CEP57L1: variants seen among roughly 807,000 people sequenced by gnomAD.
CEP57L1 encodes the protein centrosomal protein CEP57L1.
Under a neutral mutation model 61.0 loss-of-function variants are expected in CEP57L1, and 37 were observed. The ratio of observed to expected loss-of-function variants is 0.61; its 90% confidence interval spans 0.47 to 0.80. The LOEUF (loss-of-function observed/expected upper bound fraction) is 0.80. CEP57L1 is among the 30% of genes least tolerant of loss of function. The pLI is 0.00. For missense variants in CEP57L1, 422 were observed against 524.7 expected (o/e 0.80, Z 1.91); for synonymous variants, 137 against 162.3 (o/e 0.84, Z 1.19).
chr6:109,139,158 C>G (rs1562105095), intron 1 of CEP57L1, among the ~76,000 whole-genome samples: 3 of 152,164 alleles, frequency 2.0e-5, no homozygotes, highest in African/African-American at 4.8e-5. Flanking sequence ...AAACAACTAA[C>G]AGGTAGGTAG....
intron 1 of CEP57L1, among the ~76,000 whole-genome samples, chr6:109,098,946 T>C (rs572631150): frequency 6.6e-6 from 1 of 152,196 alleles, no homozygotes; most frequent in Admixed American, 6.5e-5. Context: ...GCTGACAGAT[T>C]GTGTGAGAGT....
At chr6:109,137,998 C>T (rs980522285) in intron 1 of CEP57L1, among the ~76,000 whole-genome samples, 2 of 152,116 alleles carry the variant, frequency 1.3e-5, no homozygotes, top group African/African-American at 4.8e-5. Context: ...AAAAGTGTTC[C>T]AGGCAGTGGG....
intron 1 of CEP57L1, among the ~76,000 whole-genome samples, chr6:109,102,015 T>C (rs1782492902): frequency 6.6e-6 from 1 of 152,224 alleles, no homozygotes; most frequent in South Asian, 2.1e-4. Flanking sequence ...TTTGGTGGTA[T>C]CAGTGTTTTG....
In CEP57L1 at chr6:109,117,169, C is replaced by T. The variant is rs1772405933; in HGVS notation, c.-4+21594C>T. 2.0e-5 allele frequency among the ~76,000 whole-genome samples: 3 copies of T among 151,876 alleles called. No individual in the cohort carries two copies. The South Asian group carries it at 6.2e-4, about 32-fold the overall frequency. ...AGTATGTTTGTGTCAAACTTCTTTC[C>T]AAACACTCTCATTCTAGTCTCAGCT... is the stretch of plus-strand genomic sequence containing the variant. On this transcript the variant is annotated intron_variant, in intron 1 of 10. Coordinates refer to ENST00000517392, the MANE Select transcript of CEP57L1 (RefSeq NM_001271852.3).
intron 1 of CEP57L1, among the ~76,000 whole-genome samples, chr6:109,132,105 G>A (rs757207765): frequency 2.6e-5 from 4 of 152,054 alleles, no homozygotes; most frequent in Admixed American, 6.6e-5. Flanking sequence ...GTTGAAATTC[G>A]CCTTGCAAAA....
At chr6:109,141,775 T>G (rs1771411858) in intron 1 of CEP57L1, among the ~76,000 whole-genome samples, 2 of 151,938 alleles carry the variant, frequency 1.3e-5, no homozygotes, top group African/African-American at 4.8e-5. Context: ...AATAAAAGAG[T>G]TAGTCCAGCC....
At chr6:109,157,675 T>A (rs1773341372) in intron 7 of CEP57L1, 1 of 152,144 alleles carries the variant, frequency 6.6e-6, no homozygotes, top group Non-Finnish European at 1.5e-5. Flanking sequence ...AAAGTTAAAA[T>A]GGAAAATATA....
intron 10 of CEP57L1, among the ~76,000 whole-genome samples, chr6:109,161,469 T>G (rs1562151345): frequency 6.6e-6 from 1 of 152,142 alleles, no homozygotes; most frequent in Non-Finnish European, 1.5e-5. Flanking sequence ...ATCATTCATA[T>G]AAGTTAGTGA....
intron 1 of CEP57L1, among the ~76,000 whole-genome samples, chr6:109,121,211 G>T (rs570312967): frequency 2.2e-4 from 33 of 152,250 alleles, no homozygotes; most frequent in Non-Finnish European, 2.9e-5. Context: ...TCCCCACAGT[G>T]ATCAGTTGGT....
At chr6:109,115,919 T>C (rs909024136) in intron 1 of CEP57L1, among the ~76,000 whole-genome samples, 12 of 152,272 alleles carry the variant, frequency 7.9e-5, no homozygotes, top group African/African-American at 2.9e-4. Context: ...GATTTTGCCT[T>C]TTATTGCAGA....
chr6:109,119,463 A>T (rs1772695740), intron 1 of CEP57L1, among the ~76,000 whole-genome samples: 2 of 152,102 alleles, frequency 1.3e-5, no homozygotes, highest in South Asian at 4.1e-4. Flanking sequence ...AGGACTTGAG[A>T]ATGGGGAGTA....
At chr6:109,104,714 C>G (rs1168649977) in intron 1 of CEP57L1, among the ~76,000 whole-genome samples, 2 of 152,104 alleles carry the variant, frequency 1.3e-5, no homozygotes, top group African/African-American at 4.8e-5. Context: ...CTACAAGTAG[C>G]TGGGAACACA....
chr6:109,104,182 CAA>C (rs1381680580), intron 1 of CEP57L1, among the ~76,000 whole-genome samples: 1 of 151,764 alleles, frequency 6.6e-6, no homozygotes, highest in Non-Finnish European at 1.5e-5. Flanking sequence ...TTTTACTCAA[CAA>C]TATATTTTCA....
intron 1 of CEP57L1, among the ~76,000 whole-genome samples, chr6:109,101,616 C>CCTTTT (rs1782411182): frequency 7.9e-6 from 1 of 126,526 alleles, no homozygotes; most frequent in African/African-American, 2.8e-5. Context: ...TTTTCTTTTT[C>CCTTTT]TTTTTTCTTT....
At chr6:109,118,558 A>G (rs1772576434) in intron 1 of CEP57L1, among the ~76,000 whole-genome samples, 1 of 152,264 alleles carries the variant, frequency 6.6e-6, no homozygotes, top group South Asian at 2.1e-4. Context: ...CTTTCAAAAC[A>G]GTTGTTCACC....
rs114558883 is a variant in CEP57L1, at chr6:109,099,321, A to G, written c.-4+3746A>G. 8.3e-3 allele frequency among the ~76,000 whole-genome samples: 1,262 copies of G among 152,284 alleles called. 23 individuals are homozygous for G. Among genetic ancestry groups the G allele is most frequent in the African/African-American group, 0.029 (1,211 of 41,576 alleles). On this transcript the variant is annotated intron_variant, in intron 1 of 10. Transcript: ENST00000517392. Reference sequence around the variant, plus strand: ...CTGAAGGAGCAGCCAGTGAGCAGAGAAAAACCCACTGTTCAGTAGGTGTTC... The same window carrying G: ...CTGAAGGAGCAGCCAGTGAGCAGAGGAAAACCCACTGTTCAGTAGGTGTTC...
chr6:109,102,141 T>G (rs893266384), intron 1 of CEP57L1, among the ~76,000 whole-genome samples: 1 of 152,232 alleles, frequency 6.6e-6, no homozygotes, highest in Non-Finnish European at 1.5e-5. Flanking sequence ...CTGTGTATCA[T>G]GTTTGGTGAG....
Position 109,167,968 on chromosome 6 carries a change from G to A in CEP57L1, c.*4998G>A, listed in dbSNP as rs927792364. Among the ~76,000 whole-genome samples the A allele has an allele frequency of 2.6e-5, 4 of 152,182 alleles. No individual in the cohort carries two copies. Among genetic ancestry groups the A allele is most frequent in the African/African-American group, 9.7e-5 (4 of 41,438 alleles). On this transcript the variant is annotated 3_prime_UTR_variant, in exon 11 of 11. Transcript: ENST00000517392. ...TTATAGTCTTGAGGAGAGATAAGAT[G>A]TATATATATTTAAAAGGAAGAAAAC...
intron 2 of CEP57L1, among the ~76,000 whole-genome samples, chr6:109,145,986 G>C (rs1464399146): frequency 1.3e-5 from 2 of 151,788 alleles, no homozygotes; most frequent in African/African-American, 2.4e-5. Flanking sequence ...AAATAAACTA[G>C]TTTTGTGGAA....
Sources: gnomAD v4.1 joint callset for allele counts (sites outside exome capture counted in the v4.1 genomes callset) on GRCh38, gnomAD v4.1.1 for gene constraint, MANE v1.5 for transcripts, NCBI Gene and HGNC (gene_info 2026-07-23, HGNC 2026-07-21) for gene names.